ITGB1: variants seen among roughly 807,000 people sequenced by gnomAD.
ITGB1 encodes integrin subunit beta 1, also known as integrin beta-1.
A neutral mutation model predicts 86.5 loss-of-function variants in ITGB1; 24 were observed. The observed-to-expected ratio is 0.28, with a 90% CI of 0.20 to 0.39. The LOEUF is 0.39. Among genes scored for constraint, ITGB1 ranks in the 10% least tolerant of loss-of-function variants. The pLI is 1.00. For synonymous variants in ITGB1, 323 were observed against 316.8 expected (o/e 1.02, Z -0.21); for missense variants, 556 against 946.9 (o/e 0.59, Z 5.42).
chr10:32,925,987 T>G lies in ITGB1; in HGVS notation c.670A>C (p.Ser224Arg). The G allele has an allele frequency of 6.2e-7, 1 of 1,613,946 alleles. No individual in the cohort carries two copies. The highest frequency in any genetic ancestry group is 1.1e-5 in the South Asian group (1 of 91,076). ...AATACTTCTCCTTTATTAGTAAGAC[T>G]GAGCACATTTTTGTAGCTAAATGGG... is the stretch of plus-strand genomic sequence containing the variant. Reference protein sequence around the residue: ...TSPFSYKNVLSLTNKGEVFNE... With the variant: ...TSPFSYKNVLRLTNKGEVFNE... Residue 224 changes from serine (S) to arginine (R), a missense_variant, in exon 6 of 16, where the codon AGT (serine) becomes CGT (arginine). Around this residue, in one of 4 missense-constraint regions of ITGB1, gnomAD observed 183 missense variants for 263.9 expected, o/e 0.69. Coordinates refer to ENST00000302278, the MANE Select transcript of ITGB1 (RefSeq NM_002211.4).
intron 7 of ITGB1, among the ~76,000 whole-genome samples, chr10:32,922,986 T>C (rs1408244120): frequency 1.3e-5 from 2 of 152,192 alleles, no homozygotes; most frequent in Non-Finnish European, 2.9e-5. Context: ...TATACATGAA[T>C]TGCTAATCCT....
chr10:32,930,704 TA>T (rs2094980718), intron 3 of ITGB1, among the ~76,000 whole-genome samples: 1 of 151,890 alleles, frequency 6.6e-6, no homozygotes, highest in South Asian at 2.1e-4. Flanking sequence ...ATGACAAGGG[TA>T]AAAGGTCCTA....
intron 1 of ITGB1, among the ~76,000 whole-genome samples, chr10:32,937,548 C>T (rs2095006370): frequency 1.0e-5 from 1 of 98,986 alleles, no homozygotes; most frequent in Non-Finnish European, 2.1e-5. Context: ...GAGCGAGACT[C>T]CGTCTCAAAA....
At chr10:32,921,793 T>C (rs1186906279) in intron 9 of ITGB1, among the ~76,000 whole-genome samples, 1 of 152,112 alleles carries the variant, frequency 6.6e-6, no homozygotes, top group African/African-American at 2.4e-5. Flanking sequence ...TATACGTATA[T>C]ATGAGTGTGT....
chr10:32,925,596 G>C (rs1762365372), intron 6 of ITGB1, among the ~76,000 whole-genome samples: 1 of 152,190 alleles, frequency 6.6e-6, no homozygotes, highest in Non-Finnish European at 1.5e-5. Context: ...CTACAGTACA[G>C]AGAGGTTGCC....
At chr10:32,903,501 CAT>C (rs2094888081) in intron 15 of ITGB1, among the ~76,000 whole-genome samples, 1 of 151,580 alleles carries the variant, frequency 6.6e-6, no homozygotes, top group Non-Finnish European at 1.5e-5. Flanking sequence ...GAGGGAAAAA[CAT>C]TAACATATAA....
intron 6 of ITGB1, among the ~76,000 whole-genome samples, chr10:32,924,461 A>G (rs963149013): frequency 1.3e-5 from 2 of 152,200 alleles, no homozygotes; most frequent in African/African-American, 4.8e-5. Flanking sequence ...TTAGATCTTC[A>G]TAAGACAGTA....
chr10:32,912,273 G>C, intron 11 of ITGB1, 149 bp from the exon 12 acceptor site: 2 of 659,656 alleles, frequency 3.0e-6, no homozygotes, highest in East Asian at 5.4e-5. Context: ...CTGAGGTACT[G>C]GGTTCATCTC....
chr10:32,904,468 T>G (rs138845961), intron 15 of ITGB1, among the ~76,000 whole-genome samples: 5 of 152,304 alleles, frequency 3.3e-5, no homozygotes, highest in South Asian at 4.1e-4. Flanking sequence ...TAAACCCGCA[T>G]AGCAGCAGAT....
intron 3 of ITGB1, among the ~76,000 whole-genome samples, chr10:32,930,909 A>G (rs2094981469): frequency 1.3e-5 from 2 of 152,148 alleles, no homozygotes; most frequent in South Asian, 2.1e-4. Flanking sequence ...AGATCTATAT[A>G]AAGACTGTGA....
chr10:32,940,725 G>T (rs1462973873), intron 1 of ITGB1, among the ~76,000 whole-genome samples: 1 of 152,280 alleles, frequency 6.6e-6, no homozygotes, highest in South Asian at 2.1e-4. Context: ...GCATTCATTC[G>T]TTCATCACTC....
chr10:32,919,834 T>C (rs1271705973), intron 11 of ITGB1, 51 bp downstream of exon 11: 2 of 1,515,288 alleles, frequency 1.3e-6, no homozygotes, highest in African/African-American at 2.7e-5. Context: ...GACCTGCCTA[T>C]ACTCTCTAAA....
chr10:32,949,981 A>G (rs1327038208), intron 1 of ITGB1, among the ~76,000 whole-genome samples: 2 of 152,172 alleles, frequency 1.3e-5, no homozygotes, highest in Non-Finnish European at 2.9e-5. Flanking sequence ...TCAGAGTTGA[A>G]AAATAAGCCA....
chr10:32,905,459 G>A (rs1399495974), intron 15 of ITGB1, among the ~76,000 whole-genome samples: 2 of 152,210 alleles, frequency 1.3e-5, no homozygotes, highest in African/African-American at 2.4e-5. Flanking sequence ...AACTCTGACA[G>A]AGTAACAACA....
Position 32,928,343 on chromosome 10 carries a change from T to C in ITGB1, c.377-79A>G, listed in dbSNP as rs540642785. ...AACGAGAAAAACCAAATAAATGTGG[T>C]TTACACGGTAAACACAATAAAATAA... On this transcript the variant is annotated intron_variant, in intron 4 of 15. Transcript: ENST00000302278. The C allele has an allele frequency of 1.4e-4, 94 of 679,058 alleles. No individual in the cohort carries two copies. In the African/African-American group the frequency reaches 1.6e-3, roughly 12 times the overall value. The allele number at this position is 679,058 out of a possible 1,614,324, so 42.1% of individuals were successfully genotyped here.
intron 1 of ITGB1, among the ~76,000 whole-genome samples, chr10:32,955,922 C>T (rs772121510): frequency 1.3e-5 from 2 of 152,148 alleles, no homozygotes; most frequent in Non-Finnish European, 2.9e-5. Flanking sequence ...ATCACAAACA[C>T]TTAAAATTGT....
intron 15 of ITGB1, among the ~76,000 whole-genome samples, chr10:32,903,642 T>C (rs1001271017): frequency 3.0e-4 from 46 of 152,172 alleles, no homozygotes; most frequent in African/African-American, 1.0e-3. Flanking sequence ...CCTTGACTGG[T>C]TGTTTCAGAA....
At chr10:32,918,165 T>C (rs1593862365) in intron 11 of ITGB1, among the ~76,000 whole-genome samples, 1 of 151,860 alleles carries the variant, frequency 6.6e-6, no homozygotes, top group Non-Finnish European at 1.5e-5. Context: ...GGACACAGGG[T>C]GGGGAACATC....
intron 11 of ITGB1, among the ~76,000 whole-genome samples, chr10:32,915,072 A>G (rs2094927345): frequency 1.3e-5 from 2 of 152,232 alleles, no homozygotes; most frequent in South Asian, 2.1e-4. Flanking sequence ...ACTACTGGAT[A>G]CATAACAAAA....
Sources: allele counts gnomAD v4.1 joint callset (sites outside exome capture counted in the v4.1 genomes callset), GRCh38; gene constraint gnomAD v4.1.1; regional missense constraint gnomAD v4.1.1; transcripts MANE v1.5; gene names NCBI Gene and HGNC (gene_info 2026-07-23, HGNC 2026-07-21).